The following MMEL1 variants were observed in gnomAD, a reference collection of about 807,000 sequenced individuals.
MMEL1 encodes the protein membrane metalloendopeptidase like 1.
Under a neutral mutation model 117.1 loss-of-function variants are expected in MMEL1, and 98 were observed. That is an observed-to-expected ratio of 0.84 (90% confidence interval 0.71 to 0.99). MMEL1 has a LOEUF of 0.99. Among genes scored for constraint, MMEL1 ranks in the 50% least tolerant of loss-of-function variants. The pLI, the probability that MMEL1 is intolerant of heterozygous loss-of-function variation, is 0.00. For synonymous variants in MMEL1, 390 were observed against 415.1 expected, an observed-to-expected ratio of 0.94 and a Z score of 0.74; for missense variants, 1,014 against 1,049.1, an observed-to-expected ratio of 0.97 and a Z score of 0.46.
At chr1:2,629,551 A>C in intron 1 of MMEL1, 30 bp from the exon 2 acceptor site, 1 of 1,385,856 alleles carries the variant, frequency 7.2e-7, no homozygotes, top group South Asian at 1.6e-5. Flanking sequence ...GAGAGGGGAG[A>C]GGGGCGTGGA....
At position 2,629,176 on chromosome 1, in the gene MMEL1, C is replaced by T. The variant is rs180897993; in HGVS notation, c.154+155G>A. ...TCCCGCCGCCTCTGAGTCCGCAGCT[C>T]GGCCCCGGGAGCCCCTGGGTGCCCA... On this transcript the variant is annotated intron_variant, in intron 2 of 23. Transcript: ENST00000378412. 4.5e-3 allele frequency among the ~76,000 whole-genome samples: 688 copies of T among 152,190 alleles called. 3 individuals are homozygous for T. Among genetic ancestry groups the T allele is most frequent in the African/African-American group, 0.016 (649 of 41,540 alleles).
chr1:2,620,360 A>G (rs1196389977), intron 2 of MMEL1, among the ~76,000 whole-genome samples: 1 of 152,236 alleles, frequency 6.6e-6, no homozygotes, highest in Non-Finnish European at 1.5e-5. Flanking sequence ...CGCTAAATAA[A>G]GTAATTTTCA....
rs1644827002 is a variant in MMEL1 at position 2,595,803 on chromosome 1, A to C, written c.1500+206T>G. Among the ~76,000 whole-genome samples, 1 of 150,072 alleles carries C rather than the reference A, an allele frequency of 6.7e-6. No homozygotes were observed. The highest frequency in any genetic ancestry group is 6.6e-5 in the Admixed American group (1 of 15,164). On this transcript the variant is annotated intron_variant, in intron 15 of 23. Transcript: ENST00000378412. The surrounding 1 kb of genome is among the most constrained non-coding windows in gnomAD (Gnocchi z 4.8). ...CTTTTCCTCAGCTCCACAGTGGGCG[A>C]GTGGTCCTGTCTGCGCCTCCCGGGG...
rs1344887580 is a variant in MMEL1 at position 2,594,463 on chromosome 1, C to T, written c.1689-20G>A. On this transcript the variant is annotated intron_variant, in intron 17 of 23. Coordinates refer to ENST00000378412, the MANE Select transcript of MMEL1 (RefSeq NM_033467.4). ...ATCCAGCTGTGATAGACAAGCCGGT[C>T]TCTGGGAGCCGCCTCTCCGGGGACC... 4 of 1,551,228 alleles carry T rather than the reference C, an allele frequency of 2.6e-6. No individual in the cohort carries two copies. The highest frequency in any genetic ancestry group is 3.5e-6 in the Non-Finnish European group (4 of 1,146,948).
intron 1 of MMEL1, 121 bp from the exon 2 acceptor site, chr1:2,629,642 C>T (rs964906081): frequency 1.1e-5 from 9 of 838,450 alleles, no homozygotes; most frequent in South Asian, 6.2e-5. Flanking sequence ...ACACTCTTCC[C>T]GTCTCCCTCT....
chr1:2,607,153 G>A (rs1428325358), intron 6 of MMEL1, 84 bp from the exon 7 acceptor site: 6 of 1,195,764 alleles, frequency 5.0e-6, no homozygotes, highest in African/African-American at 1.5e-5. Flanking sequence ...GCCGTTGGCC[G>A]GCGTCACAGG....
intron 21 of MMEL1, 40 bp downstream of exon 21, chr1:2,592,615 C>T: frequency 7.7e-7 from 1 of 1,294,304 alleles, no homozygotes; most frequent in Non-Finnish European, 1.0e-6. Flanking sequence ...GACGCCCCCT[C>T]CCCTGCCGCG....
intron 2 of MMEL1, among the ~76,000 whole-genome samples, chr1:2,619,750 C>T (rs149010155): frequency 1.6e-3 from 240 of 151,352 alleles, no homozygotes; most frequent in Non-Finnish European, 2.7e-3. Context: ...AATAAAACCA[C>T]GTAGTTGTTG....
chr1:2,597,786 G>A (rs1166193235), intron 13 of MMEL1, among the ~76,000 whole-genome samples: 1 of 152,170 alleles, frequency 6.6e-6, no homozygotes, highest in Non-Finnish European at 1.5e-5. Flanking sequence ...GCTGTGGCCC[G>A]TGGTCACCTC....
intron 7 of MMEL1, 107 bp downstream of exon 7, chr1:2,606,867 G>A (rs1645036904): frequency 9.7e-7 from 1 of 1,034,054 alleles, no homozygotes; most frequent in East Asian, 2.4e-5. Context: ...AGAGCAGCCA[G>A]CTGGGGGTGG....
chr1:2,594,733 C>A, intron 17 of MMEL1, 57 bp downstream of exon 17: 1 of 1,471,944 alleles, frequency 6.8e-7, no homozygotes, highest in Non-Finnish European at 9.5e-7. Context: ...GCCCTGCACG[C>A]CTTACTGGCC....
At chr1:2,618,619 A>G (rs1645240534) in intron 2 of MMEL1, among the ~76,000 whole-genome samples, 1 of 152,196 alleles carries the variant, frequency 6.6e-6, no homozygotes, top group Non-Finnish European at 1.5e-5. Flanking sequence ...TGCCGAGTTT[A>G]CAGAAATGTG....
chr1:2,592,307 C>T (rs1318027107), intron 21 of MMEL1, among the ~76,000 whole-genome samples: 1 of 103,882 alleles, frequency 9.6e-6, no homozygotes, highest in Non-Finnish European at 1.9e-5. Context: ...GGCACTGGTG[C>T]CCCCCTCCCC....
At chr1:2,614,855 G>C (rs1645178719) in intron 2 of MMEL1, among the ~76,000 whole-genome samples, 1 of 151,204 alleles carries the variant, frequency 6.6e-6, no homozygotes, top group Non-Finnish European at 1.5e-5. Flanking sequence ...AAACATACGA[G>C]ATGAGCTTGG....
At chr1:2,601,680 C>T (rs1644933979) in intron 11 of MMEL1, among the ~76,000 whole-genome samples, 1 of 152,212 alleles carries the variant, frequency 6.6e-6, no homozygotes, top group African/African-American at 2.4e-5. Context: ...CAAGGAGTCA[C>T]ATCTAAAATA....
In MMEL1 at chr1:2,591,649, GGGCGTGGCTACAGGT is replaced by G. The variant is rs755262216; in HGVS notation, c.2164-31_2164-17del. 1.7e-5 allele frequency: 28 copies of G among 1,612,188 alleles called. No individual in the cohort carries two copies. The highest frequency in any genetic ancestry group is 2.4e-5 in the Non-Finnish European group (28 of 1,178,882). ...CGCACCACACCTGTGGGCATGTTGG[GGGCGTGGCTACAGGT>G]GGCGTGGTGGGGTGGCCAGGAGGGG... On this transcript the variant is annotated splice_polypyrimidine_tract_variant and intron_variant, in intron 22 of 23. Transcript: ENST00000378412.
At position 2,605,524 on chromosome 1, in the gene MMEL1, G is replaced by A. The variant is rs1407838144; in HGVS notation, c.816+34C>T. Reference sequence around the variant, plus strand: ...GACCACGGGGTAGGGGGTGATGGGGGGGTCATCTGGCATTGCGGTGAGGAC... The same window carrying A: ...GACCACGGGGTAGGGGGTGATGGGGAGGTCATCTGGCATTGCGGTGAGGAC... On this transcript the variant is annotated intron_variant, in intron 9 of 23. Coordinates refer to ENST00000378412, the MANE Select transcript of MMEL1 (RefSeq NM_033467.4). The A allele has an allele frequency of 1.9e-6, 3 of 1,591,514 alleles. No individual in the cohort carries two copies. The East Asian group carries it at 6.7e-5, about 36-fold the overall frequency.
At chr1:2,603,776 G>T in intron 11 of MMEL1, 108 bp downstream of exon 11, 2 of 988,338 alleles carry the variant, frequency 2.0e-6, no homozygotes, top group Non-Finnish European at 3.1e-6. Flanking sequence ...GATGGGGAAT[G>T]TTTCTGAGCT....
At chr1:2,609,144 G>A (rs1319242573) in intron 6 of MMEL1, among the ~76,000 whole-genome samples, 195 bp downstream of exon 6, 1 of 151,946 alleles carries the variant, frequency 6.6e-6, no homozygotes, top group Admixed American at 6.6e-5. Flanking sequence ...AGGCCGCAGG[G>A]CAGCTGGCAT....
Sources: gnomAD v4.1 joint callset for allele counts (sites outside exome capture counted in the v4.1 genomes callset) on GRCh38, gnomAD v4.1.1 for gene constraint, Gnocchi (gnomAD v3.1) non-coding constraint, MANE v1.5 for transcripts, NCBI Gene and HGNC (gene_info 2026-07-23, HGNC 2026-07-21) for gene names.